ZPLD1: variants seen among roughly 807,000 people sequenced by gnomAD.
ZPLD1 encodes the protein zona pellucida like domain containing 1.
Under a neutral mutation model 47.2 loss-of-function variants are expected in ZPLD1, and 34 were observed. That is an observed-to-expected ratio of 0.72 (90% CI 0.55 to 0.96). ZPLD1 has a LOEUF of 0.96. Among genes scored for constraint, ZPLD1 ranks in the 40% least tolerant of loss-of-function variants. The pLI, the probability that ZPLD1 is intolerant of heterozygous loss-of-function variation, is 0.00. For synonymous variants in ZPLD1, 176 were observed against 186.2 expected (o/e 0.95, Z 0.45); for missense variants, 512 against 505.8 (o/e 1.01, Z -0.12).
chr3:102,414,688 G>A (rs1477459425), intron 7 of ZPLD1, among the ~76,000 whole-genome samples: 3 of 151,628 alleles, frequency 2.0e-5, no homozygotes, highest in African/African-American at 7.3e-5. Flanking sequence ...AATAAATACT[G>A]TATTCACCAT....
At chr3:102,394,717 GTTT>G (rs1439429173) in intron 7 of ZPLD1, among the ~76,000 whole-genome samples, 3 of 152,078 alleles carry the variant, frequency 2.0e-5, no homozygotes, top group African/African-American at 7.2e-5. Context: ...TGGTGCTGTG[GTTT>G]GACCCTTTCA....
At chr3:102,401,714 T>C (rs1706622110) in intron 7 of ZPLD1, among the ~76,000 whole-genome samples, 1 of 152,110 alleles carries the variant, frequency 6.6e-6, no homozygotes, top group Non-Finnish European at 1.5e-5. Flanking sequence ...CTTGCTACTC[T>C]TTGTTACAAA....
intron 10 of ZPLD1, among the ~76,000 whole-genome samples, chr3:102,473,488 A>G (rs1707714596): frequency 6.6e-6 from 1 of 152,096 alleles, no homozygotes; most frequent in Non-Finnish European, 1.5e-5. Flanking sequence ...GAGTTTTCTC[A>G]GGGTCACCTC....
upstream of ZPLD1, among the ~76,000 whole-genome samples, chr3:102,433,133 C>A (rs916497659): frequency 2.0e-5 from 3 of 152,118 alleles, no homozygotes; most frequent in Admixed American, 2.0e-4. Flanking sequence ...CTGGAGAGTA[C>A]CAGACACATA....
chr3:102,417,668 G>A (rs1041631505), intron 7 of ZPLD1, among the ~76,000 whole-genome samples: 2 of 151,948 alleles, frequency 1.3e-5, no homozygotes, highest in Non-Finnish European at 2.9e-5. Flanking sequence ...ATCACTGCAT[G>A]AAATGTAGTA....
At chr3:102,431,615 C>T (rs1707016764), upstream of ZPLD1, among the ~76,000 whole-genome samples, 1 of 152,114 alleles carries the variant, frequency 6.6e-6, no homozygotes, top group African/African-American at 2.4e-5. Flanking sequence ...CACTTTAAAA[C>T]TAATGATTTA....
At chr3:102,433,687 C>T (rs1179540059), upstream of ZPLD1, among the ~76,000 whole-genome samples, 2 of 152,052 alleles carry the variant, frequency 1.3e-5, no homozygotes, top group East Asian at 1.9e-4. Flanking sequence ...CCACCACGCC[C>T]GGCTAATTTT....
intron 5 of ZPLD1, among the ~76,000 whole-genome samples, 177 bp downstream of exon 5, chr3:102,456,551 ATCTATCTATCTATC>A (rs1707418699): frequency 2.0e-5 from 2 of 97,762 alleles, no homozygotes; most frequent in Admixed American, 2.0e-4. Flanking sequence ...TATTATATCT[ATCTATCTATCTATC>A]TATCTATCTA....
At chr3:102,433,648 C>A (rs1707044408), upstream of ZPLD1, among the ~76,000 whole-genome samples, 1 of 152,206 alleles carries the variant, frequency 6.6e-6, no homozygotes, top group Non-Finnish European at 1.5e-5. Flanking sequence ...CTGACTCAGC[C>A]TCCCGAGTAA....
At chr3:102,429,558 TA>T (rs1205174573) in intron 8 of ZPLD1, among the ~76,000 whole-genome samples, 1 of 152,170 alleles carries the variant, frequency 6.6e-6, no homozygotes, top group Non-Finnish European at 1.5e-5. Flanking sequence ...GAAAGTTATA[TA>T]ATATATTTTT....
intron 7 of ZPLD1, among the ~76,000 whole-genome samples, chr3:102,414,278 G>A (rs1472135664): frequency 6.6e-6 from 1 of 151,710 alleles, no homozygotes; most frequent in Non-Finnish European, 1.5e-5. Flanking sequence ...TAGAATTGTT[G>A]GTTTTAAAAG....
Position 102,464,241 on chromosome 3 carries a change from C to A in ZPLD1, c.751C>A (p.Leu251Ile), listed in dbSNP as rs536987116. ...GNPNDDIRYD[L>I]FLSCDKDPQT... ...CCCAAATGATGACATTCGATATGAT[C>A]TTTTCCTTAGGTAAGACTTAGCTGT... The change falls in exon 8 of 12, where the codon CTT becomes ATT. Residue 251 changes from leucine to isoleucine, a missense_variant. Coordinates refer to ENST00000466937, the MANE Select transcript of ZPLD1 (RefSeq NM_001329788.2). The A allele has an allele frequency of 6.2e-7, 1 of 1,610,932 alleles. No homozygotes were observed. The highest frequency in any genetic ancestry group is 1.1e-5 in the South Asian group (1 of 91,004).
At chr3:102,466,784 G>A (rs1340178695) in intron 8 of ZPLD1, among the ~76,000 whole-genome samples, 1 of 151,454 alleles carries the variant, frequency 6.6e-6, no homozygotes, top group African/African-American at 2.4e-5. Context: ...AAATATGAAG[G>A]AAAATAAAAA....
At chr3:102,437,361 T>G (rs144801623) in intron 2 of ZPLD1, among the ~76,000 whole-genome samples, 1 of 152,352 alleles carries the variant, frequency 6.6e-6, no homozygotes, top group East Asian at 1.9e-4. Context: ...TGTAAACTTG[T>G]TATTCTGAAA....
At chr3:102,441,206 A>G (rs1165739151) in intron 3 of ZPLD1, among the ~76,000 whole-genome samples, 1 of 152,200 alleles carries the variant, frequency 6.6e-6, no homozygotes, top group Non-Finnish European at 1.5e-5. Flanking sequence ...ATATACTTGT[A>G]AAGGTGAATA....
At chr3:102,436,237 T>A (rs1035294889) in intron 1 of ZPLD1, among the ~76,000 whole-genome samples, 1 of 152,198 alleles carries the variant, frequency 6.6e-6, no homozygotes, top group Non-Finnish European at 1.5e-5. Context: ...TTAACATGAG[T>A]TTTTCATTTA....
intron 8 of ZPLD1, among the ~76,000 whole-genome samples, chr3:102,464,895 C>T (rs1006825157): frequency 2.0e-5 from 3 of 152,120 alleles, no homozygotes; most frequent in Non-Finnish European, 2.9e-5. Context: ...ACTTGAGAGT[C>T]AAGCAATGTC....
chr3:102,477,607 G>A lies in ZPLD1; in HGVS notation c.1237G>A (p.Val413Ile). Reference protein sequence around the residue: ...SLVLNGIRNPVFD With the variant: ...SLVLNGIRNPIFD ...AGTGTTGAATGGCATAAGAAACCCA[G>A]TCTTTGACTGACTATAACAGATTCC... The change falls in exon 12 of 12, where the codon GTC (valine) becomes ATC (isoleucine). Residue 413 changes from valine to isoleucine, a missense_variant. Physicochemically the swap from Val to Ile is conservative, Grantham distance 29 (BLOSUM62 3). Coordinates refer to ENST00000466937, the MANE Select transcript of ZPLD1 (RefSeq NM_001329788.2). The A allele has an allele frequency of 1.2e-6, 2 of 1,612,234 alleles. No individual in the cohort carries two copies. The highest frequency in any genetic ancestry group is 1.7e-6 in the Non-Finnish European group (2 of 1,179,184).
At chr3:102,420,916 G>A (rs1706869996) in intron 8 of ZPLD1, among the ~76,000 whole-genome samples, 1 of 151,856 alleles carries the variant, frequency 6.6e-6, no homozygotes, top group South Asian at 2.1e-4. Flanking sequence ...TAATAATTTT[G>A]TTATTTCTAC....
Sources: allele counts gnomAD v4.1 joint callset (sites outside exome capture counted in the v4.1 genomes callset), GRCh38; gene constraint gnomAD v4.1.1; transcripts MANE v1.5; gene names NCBI Gene and HGNC (gene_info 2026-07-23, HGNC 2026-07-21).